The following PKHD1 variants were observed in gnomAD, a reference collection of about 807,000 sequenced individuals.
PKHD1 encodes PKHD1 ciliary IPT domain containing fibrocystin/polyductin.
In PKHD1, 291 loss-of-function variants were observed where a neutral mutation model predicts 412.0. That is an observed-to-expected ratio of 0.71 (90% confidence interval 0.64 to 0.78). The LOEUF is 0.78. PKHD1 is among the 30% of genes least tolerant of loss of function. The pLI is 0.00. For synonymous variants in PKHD1, 1,777 were observed against 1,821.5 expected (o/e 0.98, Z 0.62); for missense variants, 4,825 against 4,950.7 (o/e 0.97, Z 0.76).
chr6:51,789,784 G>C (rs1793449252), intron 53 of PKHD1, among the ~76,000 whole-genome samples: 1 of 152,094 alleles, frequency 6.6e-6, no homozygotes. Context: ...GTTATAAACT[G>C]TATGACCTAA....
Position 51,753,280 on chromosome 6 carries a change from T to C in PKHD1, c.8871A>G (p.Ile2957Met), listed in dbSNP as rs1453006216. The change falls in exon 57 of 67, where the codon ATA (isoleucine) becomes ATG (methionine). Residue 2957 changes from isoleucine to methionine, a missense_variant. Transcript: ENST00000371117. ...AAEVGLLTRNIQIQPDVSCRG... is the reference protein window; with the variant it reads ...AAEVGLLTRNMQIQPDVSCRG... ...TACATGATACGTCAGGCTGAATTTGTATATTTCGGGTCAACAGTCCAACCT... is the reference window on the plus strand; with the variant it reads ...TACATGATACGTCAGGCTGAATTTGCATATTTCGGGTCAACAGTCCAACCT... 2 of 1,613,778 alleles carry C rather than the reference T, an allele frequency of 1.2e-6. No individual in the cohort carries two copies. Among genetic ancestry groups the C allele is most frequent in the South Asian group, 2.2e-5 (2 of 91,084 alleles).
At chr6:51,710,773 A>G (rs1016916580) in intron 60 of PKHD1, among the ~76,000 whole-genome samples, 1 of 152,220 alleles carries the variant, frequency 6.6e-6, no homozygotes, top group African/African-American at 2.4e-5. Context: ...TCATCACAAA[A>G]ACCAAATGAG....
At chr6:51,847,115 A>C (rs9349601) in intron 50 of PKHD1, among the ~76,000 whole-genome samples, 57,492 of 151,726 alleles carry the variant, frequency 0.38, 12,056 homozygotes, top group East Asian at 0.86. Flanking sequence ...ATGCGCCACC[A>C]CACCCAGCTA....
chr6:51,759,563 A>T (rs1026616309), intron 55 of PKHD1, among the ~76,000 whole-genome samples: 1 of 152,126 alleles, frequency 6.6e-6, no homozygotes, highest in Non-Finnish European at 1.5e-5. Context: ...AAGAGGTTGA[A>T]ATAAAGAAGT....
At chr6:51,716,650 A>G (rs958108634) in intron 60 of PKHD1, among the ~76,000 whole-genome samples, 4 of 152,012 alleles carry the variant, frequency 2.6e-5, no homozygotes, top group African/African-American at 9.7e-5. Context: ...ACTGAGTTCC[A>G]GCCAGTCATA....
intron 28 of PKHD1, among the ~76,000 whole-genome samples, chr6:52,034,947 G>C (rs969571284): frequency 2.0e-5 from 3 of 152,174 alleles, no homozygotes; most frequent in African/African-American, 7.2e-5. Context: ...TAGGAATGTT[G>C]ATGCTGCTTA....
chr6:51,672,641 G>T (rs528024964), intron 60 of PKHD1, among the ~76,000 whole-genome samples: 1 of 152,238 alleles, frequency 6.6e-6, no homozygotes, highest in South Asian at 2.1e-4. Context: ...TTCAAGGTTG[G>T]GTTCATGCCT....
intron 27 of PKHD1, among the ~76,000 whole-genome samples, chr6:52,038,000 G>A (rs771918252): frequency 6.6e-6 from 1 of 152,038 alleles, no homozygotes; most frequent in Admixed American, 6.6e-5. Flanking sequence ...ATTCAGAAAT[G>A]GGATCTTAGC....
intron 39 of PKHD1, among the ~76,000 whole-genome samples, chr6:51,909,874 G>T (rs1782693522): frequency 6.6e-6 from 1 of 152,090 alleles, no homozygotes; most frequent in Admixed American, 6.6e-5. Flanking sequence ...TATAATAACA[G>T]CACTTTTTAA....
chr6:51,989,359 T>C (rs899634166), intron 35 of PKHD1, among the ~76,000 whole-genome samples: 1 of 152,240 alleles, frequency 6.6e-6, no homozygotes, highest in Non-Finnish European at 1.5e-5. Flanking sequence ...TCTATTATCA[T>C]GAAATACAAT....
chr6:52,045,937 AT>A (rs58370838), intron 24 of PKHD1, 66 bp downstream of exon 24: 13,885 of 833,328 alleles, frequency 0.017, 8 homozygotes, highest in Non-Finnish European at 0.019. Context: ...TATAATTCTG[AT>A]TTTTTTTTTT....
At chr6:52,008,224 T>C (rs1209922570) in intron 35 of PKHD1, among the ~76,000 whole-genome samples, 2 of 152,344 alleles carry the variant, frequency 1.3e-5, no homozygotes, top group East Asian at 3.9e-4. Context: ...GCCAGATAAC[T>C]ACCGGTGTGA....
chr6:51,694,826 C>T (rs942844378), intron 60 of PKHD1, among the ~76,000 whole-genome samples: 5 of 152,106 alleles, frequency 3.3e-5, no homozygotes, highest in African/African-American at 1.2e-4. Context: ...GGTACAGTCA[C>T]ATCACTTCTG....
chr6:52,070,872 C>T, intron 9 of PKHD1, 134 bp downstream of exon 9: 1 of 701,100 alleles, frequency 1.4e-6, no homozygotes, highest in Admixed American at 2.1e-5. Context: ...TAGTATTTTC[C>T]AGGGAATTCT....
At chr6:51,964,759 G>A (rs1053530385) in intron 35 of PKHD1, among the ~76,000 whole-genome samples, 1 of 152,070 alleles carries the variant, frequency 6.6e-6, no homozygotes, top group Non-Finnish European at 1.5e-5. Flanking sequence ...ACATTGAAAT[G>A]TTTTAATTTT....
At chr6:52,086,230 C>A (rs935776325) in intron 1 of PKHD1, among the ~76,000 whole-genome samples, 6 of 151,270 alleles carry the variant, frequency 4.0e-5, no homozygotes, top group Admixed American at 3.9e-4. Context: ...TATGCCTCAG[C>A]CTCCTGAGTA....
intron 33 of PKHD1, among the ~76,000 whole-genome samples, chr6:52,022,399 TG>T (rs1291368413): frequency 2.6e-5 from 4 of 152,194 alleles, no homozygotes; most frequent in Non-Finnish European, 4.4e-5. Context: ...ATCCCTTTAC[TG>T]GTACCTCCAA....
At chr6:51,931,357 T>C (rs563780213) in intron 37 of PKHD1, among the ~76,000 whole-genome samples, 28 of 152,340 alleles carry the variant, frequency 1.8e-4, no homozygotes, top group African/African-American at 6.7e-4. Context: ...AGTTGCTCAC[T>C]ATTTTGCATA....
At chr6:51,701,607 TA>T (rs1315830290) in intron 60 of PKHD1, among the ~76,000 whole-genome samples, 1 of 152,042 alleles carries the variant, frequency 6.6e-6, no homozygotes, top group Non-Finnish European at 1.5e-5. Context: ...CAGTTTTCAT[TA>T]AGCACCTGTT....
Sources: gnomAD v4.1 joint callset for allele counts (sites outside exome capture counted in the v4.1 genomes callset) on GRCh38, gnomAD v4.1.1 for gene constraint, MANE v1.5 for transcripts, NCBI Gene and HGNC (gene_info 2026-07-23, HGNC 2026-07-21) for gene names.